Variants in TANC2 observed in about 807,000 individuals in gnomAD.
TANC2 encodes the protein protein TANC2.
A neutral mutation model predicts 210.5 loss-of-function variants in TANC2; 26 were observed. The observed-to-expected ratio is 0.12, with a 90% CI of 0.09 to 0.17. TANC2 has a LOEUF of 0.17. TANC2 is among the 10% of genes least tolerant of loss of function. TANC2 has a pLI of 1.00. For missense variants in TANC2, 2,129 were observed against 2,608.9 expected (o/e 0.82, Z 4.01); for synonymous variants, 931 against 967.1 (o/e 0.96, Z 0.69).
In TANC2 at chr17:63,261,879, T is replaced by C. The variant is rs972201785; in HGVS notation, c.1034-5869T>C. Among the ~76,000 whole-genome samples the C allele has an allele frequency of 3.3e-5, 5 of 152,346 alleles. No individual in the cohort carries two copies. The South Asian group carries it at 1.0e-3, about 32-fold the overall frequency. ...TATCTTTCATGTAATTGAAGACATA[T>C]TTACCTCTCCAAAATGAGGCTAGTT... On this transcript the variant is annotated intron_variant, in intron 8 of 27. Coordinates refer to ENST00000689528, the Ensembl canonical transcript of TANC2.
At chr17:63,377,859 A>T (rs960554626) in intron 14 of TANC2, among the ~76,000 whole-genome samples, 2 of 152,182 alleles carry the variant, frequency 1.3e-5, no homozygotes, top group Non-Finnish European at 2.9e-5. Context: ...GAAACTTATC[A>T]TGGCAGAAGG....
chr17:63,292,154 T>C (rs1347542357), intron 9 of TANC2, among the ~76,000 whole-genome samples: 3 of 152,178 alleles, frequency 2.0e-5, no homozygotes, highest in Non-Finnish European at 2.9e-5. Context: ...AGGTCTAGAA[T>C]AGAATAAACT....
intron 10 of TANC2, among the ~76,000 whole-genome samples, chr17:63,317,172 CT>C (rs1023572238): frequency 6.6e-6 from 1 of 152,034 alleles, no homozygotes; most frequent in Admixed American, 6.5e-5. Flanking sequence ...TCTTCTGCCC[CT>C]GTCTTCTTTC....
At chr17:63,226,861 T>C (rs1396189780) in intron 7 of TANC2, among the ~76,000 whole-genome samples, 1 of 152,210 alleles carries the variant, frequency 6.6e-6, no homozygotes, top group Non-Finnish European at 1.5e-5. Context: ...TGTTTGGTTT[T>C]CTATTCCTGT....
At chr17:63,107,730 C>T (rs1235202226) in intron 4 of TANC2, among the ~76,000 whole-genome samples, 1 of 151,650 alleles carries the variant, frequency 6.6e-6, no homozygotes, top group Admixed American at 6.6e-5. Context: ...ATATGTTATA[C>T]AATTGCAGTT....
At chr17:63,326,370 A>G (rs534004453) in intron 11 of TANC2, among the ~76,000 whole-genome samples, 2 of 152,324 alleles carry the variant, frequency 1.3e-5, no homozygotes, top group African/African-American at 4.8e-5. Flanking sequence ...GAATAAGCAA[A>G]TGGATTAAGG....
intron 14 of TANC2, among the ~76,000 whole-genome samples, chr17:63,361,886 A>G (rs1017147066): frequency 2.0e-5 from 3 of 152,232 alleles, no homozygotes; most frequent in African/African-American, 4.8e-5. Context: ...CAAGCAGGTC[A>G]TCCCTGCAAG....
chr17:63,210,084 T>A (rs1518774), intron 7 of TANC2, among the ~76,000 whole-genome samples: 3 of 151,964 alleles, frequency 2.0e-5, no homozygotes, highest in Non-Finnish European at 4.4e-5. Context: ...GTGCTTGAAA[T>A]TCTCCTCTCT....
chr17:63,416,219 T>C (rs936052172), intron 26 of TANC2, among the ~76,000 whole-genome samples: 3 of 152,162 alleles, frequency 2.0e-5, no homozygotes, highest in Non-Finnish European at 4.4e-5. Flanking sequence ...CCCTGGACCT[T>C]TATCGTCTCC....
Position 63,237,623 on chromosome 17 carries a change from G to C in TANC2, c.770-191G>C, listed in dbSNP as rs1310237724. Among the ~76,000 whole-genome samples, 5 of 152,148 alleles carry C rather than the reference G, an allele frequency of 3.3e-5. No individual in the cohort carries two copies. In the East Asian group the frequency reaches 9.7e-4, roughly 29 times the overall value. ...TAGGATTAAGTCTTTAGTGTATCTT[G>C]AGTTGATTTTTGCATATGGTGAGAG... On this transcript the variant is annotated intron_variant, in intron 7 of 27. Coordinates refer to ENST00000689528, the Ensembl canonical transcript of TANC2.
At chr17:63,030,381 C>T (rs2034720710) in intron 2 of TANC2, among the ~76,000 whole-genome samples, 1 of 152,052 alleles carries the variant, frequency 6.6e-6, no homozygotes, top group Non-Finnish European at 1.5e-5. Context: ...ACAGCATCAC[C>T]AAAGACTCAA....
At chr17:63,092,703 A>G (rs965523462) in intron 3 of TANC2, among the ~76,000 whole-genome samples, 15 of 151,912 alleles carry the variant, frequency 9.9e-5, no homozygotes, top group Admixed American at 7.9e-4. Flanking sequence ...GGTGATACAT[A>G]CTTTTAAATG....
chr17:63,072,967 A>AG (rs1364682303), intron 2 of TANC2, among the ~76,000 whole-genome samples: 1 of 152,136 alleles, frequency 6.6e-6, no homozygotes, highest in Admixed American at 6.5e-5. Flanking sequence ...AAACCATAGA[A>AG]TAAGTAGATG....
chr17:63,361,389 C>T (rs1298490658), intron 14 of TANC2, among the ~76,000 whole-genome samples: 1 of 152,230 alleles, frequency 6.6e-6, no homozygotes, highest in Non-Finnish European at 1.5e-5. Flanking sequence ...AGTGTGTGGA[C>T]AAGAGAGCAT....
At chr17:63,109,760 C>T (rs879883221) in intron 4 of TANC2, among the ~76,000 whole-genome samples, 8 of 151,756 alleles carry the variant, frequency 5.3e-5, no homozygotes, top group Admixed American at 3.3e-4. Flanking sequence ...GAGCTTTCTT[C>T]TTTGTAACAT....
intron 8 of TANC2, among the ~76,000 whole-genome samples, chr17:63,262,349 TTTTG>T (rs1045774092): frequency 3.3e-5 from 5 of 152,174 alleles, no homozygotes; most frequent in African/African-American, 7.2e-5. Flanking sequence ...CAATCAGTTT[TTTTG>T]TTTGTTTGTT....
intron 26 of TANC2, among the ~76,000 whole-genome samples, chr17:63,417,654 C>T (rs141996473): frequency 6.6e-6 from 1 of 152,014 alleles, no homozygotes; most frequent in Non-Finnish European, 1.5e-5. Context: ...TACTATGTGC[C>T]GGGAACTGTG....
chr17:63,328,479 G>A (rs982249545), intron 11 of TANC2, among the ~76,000 whole-genome samples: 6 of 151,722 alleles, frequency 4.0e-5, no homozygotes, highest in Non-Finnish European at 5.9e-5. Context: ...CCTGTCTTTT[G>A]CAAGAATAGG....
intron 8 of TANC2, among the ~76,000 whole-genome samples, chr17:63,261,909 CA>C (rs2043368858): frequency 6.6e-6 from 1 of 152,202 alleles, no homozygotes; most frequent in South Asian, 2.1e-4. Context: ...CTAGTTCCAA[CA>C]GTCACTTTAA....
Sources: allele counts gnomAD v4.1 joint callset (sites outside exome capture counted in the v4.1 genomes callset), GRCh38; gene constraint gnomAD v4.1.1; transcripts MANE v1.5; gene names NCBI Gene and HGNC (gene_info 2026-07-23, HGNC 2026-07-21).